CSMD3: variants seen among roughly 807,000 people sequenced by gnomAD.
The protein encoded by CSMD3 is CUB and sushi domain-containing protein 3.
In CSMD3, 177 loss-of-function variants were observed where a neutral mutation model predicts 435.2. The observed-to-expected ratio is 0.41, with a 90% CI of 0.36 to 0.46. CSMD3 has a LOEUF of 0.46. Ranked by LOEUF, CSMD3 falls within the 20% of genes least tolerant of loss-of-function variation. The pLI is 0.34. For synonymous variants in CSMD3, 1,656 were observed against 1,520.5 expected (o/e 1.09, Z -2.07); for missense variants, 4,265 against 4,504.6 (o/e 0.95, Z 1.52).
intron 13 of CSMD3, among the ~76,000 whole-genome samples, chr8:112,743,472 G>GT (rs1215029818): frequency 6.6e-6 from 1 of 151,788 alleles, no homozygotes; most frequent in Non-Finnish European, 1.5e-5. Context: ...GATTAAGGCA[G>GT]TCTTCAACAA....
chr8:112,582,097 G>A (rs753407030), intron 23 of CSMD3, among the ~76,000 whole-genome samples: 2 of 152,046 alleles, frequency 1.3e-5, no homozygotes, highest in Non-Finnish European at 2.9e-5. Context: ...TGGCATCATG[G>A]GGGCAGAACC....
At chr8:112,805,872 T>C (rs1399046760) in intron 12 of CSMD3, among the ~76,000 whole-genome samples, 1 of 152,162 alleles carries the variant, frequency 6.6e-6, no homozygotes, top group African/African-American at 2.4e-5. Flanking sequence ...TTTGTCCCAG[T>C]GGGGGATCTG....
intron 35 of CSMD3, among the ~76,000 whole-genome samples, chr8:112,392,869 T>A (rs1003627532): frequency 7.1e-6 from 1 of 140,706 alleles, no homozygotes; most frequent in East Asian, 2.0e-4. Flanking sequence ...TTTTTCTTTT[T>A]TTTTTTTTTT....
At chr8:113,397,229 C>T (rs1012050881) in intron 1 of CSMD3, among the ~76,000 whole-genome samples, 3 of 152,030 alleles carry the variant, frequency 2.0e-5, no homozygotes, top group Non-Finnish European at 4.4e-5. Context: ...AAAGGTATCT[C>T]CATCTTTAAA....
At chr8:112,714,713 T>C (rs2076685145) in intron 13 of CSMD3, among the ~76,000 whole-genome samples, 1 of 152,006 alleles carries the variant, frequency 6.6e-6, no homozygotes, top group Admixed American at 6.6e-5. Context: ...GCTGAAATAA[T>C]AAAAAACAGT....
chr8:112,565,736 CA>C (rs1829007982), intron 24 of CSMD3, among the ~76,000 whole-genome samples: 1 of 152,012 alleles, frequency 6.6e-6, no homozygotes, highest in Admixed American at 6.6e-5. Flanking sequence ...TTTGATAAGA[CA>C]ATAGTATAAT....
At chr8:112,376,975 G>A (rs947166536) in intron 38 of CSMD3, among the ~76,000 whole-genome samples, 1 of 152,064 alleles carries the variant, frequency 6.6e-6, no homozygotes, top group Non-Finnish European at 1.5e-5. Flanking sequence ...AATTTTATGT[G>A]TGAAATGACA....
rs577482109 is a variant in CSMD3, at chr8:112,839,939, A to G, written c.1756-10150T>C. Reference sequence around the variant, plus strand: ...TTAAGACACCAAAAGACAGGATGTAAGATACCAGCTTCTCAATGCATGGTC... The same window carrying G: ...TTAAGACACCAAAAGACAGGATGTAGGATACCAGCTTCTCAATGCATGGTC... On this transcript the variant is annotated intron_variant, in intron 11 of 70. Transcript: ENST00000297405. Among the ~76,000 whole-genome samples the G allele has an allele frequency of 5.0e-4, 76 of 151,856 alleles. No homozygotes were observed. The Middle Eastern group carries it at 0.014, about 27-fold the overall frequency.
chr8:113,077,456 C>CT (rs2089390004), intron 5 of CSMD3, among the ~76,000 whole-genome samples: 1 of 152,086 alleles, frequency 6.6e-6, no homozygotes, highest in Non-Finnish European at 1.5e-5. Flanking sequence ...AATCCCAGCA[C>CT]TTTGGGAGGC....
chr8:112,997,594 GA>G (rs2131051166), intron 6 of CSMD3, among the ~76,000 whole-genome samples: 1 of 151,670 alleles, frequency 6.6e-6, no homozygotes, highest in Non-Finnish European at 1.5e-5. Flanking sequence ...TGGTCAAGGA[GA>G]TATTATATCT....
At chr8:112,595,840 T>G (rs1831653523) in intron 22 of CSMD3, among the ~76,000 whole-genome samples, 1 of 103,118 alleles carries the variant, frequency 9.7e-6, no homozygotes, top group South Asian at 3.3e-4. Context: ...CCACCAGGCC[T>G]GCCCTAAAAG....
chr8:112,682,694 TC>T, intron 15 of CSMD3, 58 bp from the exon 16 acceptor site: 1 of 1,145,390 alleles, frequency 8.7e-7, no homozygotes. Flanking sequence ...CAGAGAGAGA[TC>T]CTTCTATATT....
At chr8:112,522,402 T>C (rs1451610154) in intron 27 of CSMD3, among the ~76,000 whole-genome samples, 1 of 151,886 alleles carries the variant, frequency 6.6e-6, no homozygotes, top group African/African-American at 2.4e-5. Context: ...TACAATGCCA[T>C]CAATCTTCTT....
intron 7 of CSMD3, among the ~76,000 whole-genome samples, chr8:112,957,626 G>C (rs998839429): frequency 5.9e-5 from 9 of 152,002 alleles, no homozygotes; most frequent in African/African-American, 2.2e-4. Context: ...AATTTTCGTA[G>C]TTATAATAGA....
intron 54 of CSMD3, among the ~76,000 whole-genome samples, chr8:112,293,987 G>A (rs1820023336): frequency 1.3e-5 from 2 of 151,984 alleles, no homozygotes; most frequent in African/African-American, 4.8e-5. Flanking sequence ...AAAAACAGTG[G>A]TATTAATTGG....
intron 11 of CSMD3, among the ~76,000 whole-genome samples, chr8:112,850,417 T>C (rs1197895344): frequency 3.9e-5 from 6 of 152,218 alleles, no homozygotes; most frequent in African/African-American, 1.4e-4. Context: ...AAAATGCTTT[T>C]GTTGATGTCT....
intron 10 of CSMD3, among the ~76,000 whole-genome samples, chr8:112,879,243 G>A (rs980958466): frequency 3.9e-5 from 6 of 152,100 alleles, no homozygotes; most frequent in East Asian, 1.9e-4. Flanking sequence ...TAAAATGGCC[G>A]CTCTAGGAGT....
intron 4 of CSMD3, among the ~76,000 whole-genome samples, chr8:113,145,186 G>C (rs72685876): frequency 0.067 from 10,094 of 151,504 alleles, 451 homozygotes; most frequent in Non-Finnish European, 0.095. Flanking sequence ...GGACCAGTGA[G>C]GTAACAGGAT....
At chr8:112,488,665 A>T (rs1266586437) in intron 31 of CSMD3, among the ~76,000 whole-genome samples, 2 of 152,176 alleles carry the variant, frequency 1.3e-5, no homozygotes, top group African/African-American at 4.8e-5. Flanking sequence ...ATTCTCAAAC[A>T]TTGATAAAAT....
Sources: gnomAD v4.1 joint callset for allele counts (sites outside exome capture counted in the v4.1 genomes callset) on GRCh38, gnomAD v4.1.1 for gene constraint, MANE v1.5 for transcripts, NCBI Gene and HGNC (gene_info 2026-07-23, HGNC 2026-07-21) for gene names.